Variants in RPS6KC1 observed in about 807,000 individuals in gnomAD.
RPS6KC1 encodes the protein ribosomal protein S6 kinase C1, also known as inactive ribosomal protein S6 kinase delta-1.
In RPS6KC1, 54 loss-of-function variants were observed where a neutral mutation model predicts 103.8. That is an observed-to-expected ratio of 0.52 (90% CI 0.42 to 0.65). The LOEUF (loss-of-function observed/expected upper bound fraction) is 0.65, where lower values mean the gene tolerates loss of function less well. RPS6KC1 is among the 30% of genes least tolerant of loss of function. The probability of loss-of-function intolerance (pLI) is 0.00; values close to 1 mark genes in which losing one functional copy is unlikely to be tolerated. For missense variants in RPS6KC1, 1,151 were observed against 1,253.8 expected (o/e 0.92, Z 1.24); for synonymous variants, 439 against 438.7 (o/e 1.00, Z -0.01).
chr1:213,301,810 A>G, the RPS6KC1 span, among the ~76,000 whole-genome samples: 1 of 151,768 alleles, frequency 6.6e-6, no homozygotes, highest in Non-Finnish European at 1.5e-5. Flanking sequence ...ATCTTGGCTT[A>G]CTGCAACCTC....
the RPS6KC1 span, among the ~76,000 whole-genome samples, chr1:213,808,423 T>G: frequency 6.6e-6 from 1 of 152,346 alleles, no homozygotes; most frequent in African/African-American, 2.4e-5. Context: ...TGAGCTGTGG[T>G]GGGCTCCACC....
chr1:213,123,860 G>T (rs1333409545), intron 5 of RPS6KC1, among the ~76,000 whole-genome samples: 1 of 152,154 alleles, frequency 6.6e-6, no homozygotes, highest in African/African-American at 2.4e-5. Context: ...AGTCACCCAT[G>T]AGAGACCACC....
chr1:213,204,825 C>T (rs1337177563), intron 8 of RPS6KC1, among the ~76,000 whole-genome samples: 1 of 151,954 alleles, frequency 6.6e-6, no homozygotes, highest in Admixed American at 6.6e-5. Context: ...GATGGCATCT[C>T]GCTTTGTTGT....
Position 213,117,318 on chromosome 1 carries a change from G to T in RPS6KC1, c.380G>T (p.Gly127Val). 1 of 1,581,104 alleles carries T rather than the reference G, an allele frequency of 6.3e-7. No individual in the cohort carries two copies. ...ACACAATTGCTCTTATCTCTTTAGG[G>T]TGGAATAATTAATGATAGTTCTGAA... is the stretch of plus-strand genomic sequence containing the variant. ...NSKQLEDFFK[G>V]GIINDSSELI... The change falls in exon 5 of 15, where the codon GGT becomes GTT. Residue 127 changes from glycine (G) to valine (V), a missense_variant and splice_region_variant. Around this residue, in one of 3 missense-constraint regions of RPS6KC1, gnomAD observed 959 missense variants for 1,006.3 expected, o/e 0.95. Transcript: ENST00000366960.
At chr1:213,312,652 C>T in the RPS6KC1 span, among the ~76,000 whole-genome samples, 2,259 of 152,290 alleles carry the variant, frequency 0.015, 27 homozygotes, top group Non-Finnish European at 0.022. Flanking sequence ...CCTCAAACCT[C>T]GGTCCTGATT....
chr1:213,364,917 C>T, the RPS6KC1 span, among the ~76,000 whole-genome samples: 2 of 152,048 alleles, frequency 1.3e-5, no homozygotes, highest in East Asian at 3.9e-4. Flanking sequence ...GAGATCGCAC[C>T]ACTGCACTCC....
At chr1:213,493,819 G>C in the RPS6KC1 span, among the ~76,000 whole-genome samples, 2 of 152,198 alleles carry the variant, frequency 1.3e-5, no homozygotes, top group African/African-American at 4.8e-5. Context: ...GAAATACAGA[G>C]AGCAAGTGTG....
the RPS6KC1 span, among the ~76,000 whole-genome samples, chr1:213,288,868 G>A: frequency 1.3e-5 from 2 of 152,258 alleles, no homozygotes; most frequent in South Asian, 2.1e-4. Flanking sequence ...GCAAAGTACC[G>A]AGAGAGAGGA....
chr1:213,841,498 A>G, the RPS6KC1 span: 4 of 152,188 alleles, frequency 2.6e-5, no homozygotes, highest in Non-Finnish European at 5.9e-5. Flanking sequence ...AGCCAAGCAA[A>G]CCATGAAGAA....
At chr1:213,194,865 G>C (rs778821786) in intron 8 of RPS6KC1, among the ~76,000 whole-genome samples, 5 of 152,178 alleles carry the variant, frequency 3.3e-5, no homozygotes, top group Non-Finnish European at 5.9e-5. Context: ...ACCCCCACTA[G>C]TCTGTGGAAG....
the RPS6KC1 span, among the ~76,000 whole-genome samples, chr1:213,392,211 C>T: frequency 3.7e-3 from 569 of 152,158 alleles, 3 homozygotes; most frequent in South Asian, 0.016. Context: ...ATCAGCAGAA[C>T]CGATGGTCTG....
chr1:213,323,360 G>A, the RPS6KC1 span, among the ~76,000 whole-genome samples: 3 of 152,314 alleles, frequency 2.0e-5, no homozygotes, highest in East Asian at 3.9e-4. Flanking sequence ...AGAGGCAGAA[G>A]CACGAAGGCA....
At position 213,158,820 on chromosome 1, in the gene RPS6KC1, A is replaced by G. The variant is rs556315337; in HGVS notation, c.836-9038A>G. 2.0e-5 allele frequency among the ~76,000 whole-genome samples: 3 copies of G among 152,274 alleles called. No homozygotes were observed. The East Asian group carries it at 5.8e-4, about 29-fold the overall frequency. The stretch of plus-strand genomic sequence containing the variant: ...TTAAGGAAGAGAAGGAACCCTAGAA[A>G]ACTAGTGTAGGCTTGTAGTTCTTCC... On this transcript the variant is annotated intron_variant, in intron 6 of 14. Transcript: ENST00000366960.
chr1:213,466,536 GAGA>G, the RPS6KC1 span, among the ~76,000 whole-genome samples: 3 of 152,212 alleles, frequency 2.0e-5, no homozygotes, highest in African/African-American at 7.2e-5. Flanking sequence ...GAATGGCAAA[GAGA>G]AGGAGGGGAT....
chr1:213,116,979 C>G (rs2083719473), intron 4 of RPS6KC1, among the ~76,000 whole-genome samples: 1 of 152,044 alleles, frequency 6.6e-6, no homozygotes, highest in Non-Finnish European at 1.5e-5. Flanking sequence ...TCTGGCTGCT[C>G]TTAACATTTT....
chr1:213,101,838 T>G (rs924668075), intron 3 of RPS6KC1, among the ~76,000 whole-genome samples: 3 of 152,242 alleles, frequency 2.0e-5, no homozygotes, highest in African/African-American at 7.2e-5. Flanking sequence ...TAAGCACTGA[T>G]TCATACTTTC....
At position 213,151,032 on chromosome 1, in the gene RPS6KC1, C is replaced by T. The variant is rs1362997114; in HGVS notation, c.836-16826C>T. Among the ~76,000 whole-genome samples, 56 of 145,240 alleles carry T rather than the reference C, an allele frequency of 3.9e-4. 2 individuals carry two copies. Among genetic ancestry groups the T allele is most frequent in the African/African-American group, 1.3e-3 (52 of 38,854 alleles). ...CTCCCTCCCGGACGGGGCAGCTGGC[C>T]GGGCAGAGGGGCTCCTCACTTCCCA... is the stretch of plus-strand genomic sequence containing the variant. On this transcript the variant is annotated intron_variant, in intron 6 of 14. Coordinates refer to ENST00000366960, the MANE Select transcript of RPS6KC1 (RefSeq NM_012424.6).
the RPS6KC1 span, among the ~76,000 whole-genome samples, chr1:213,798,527 AC>A: frequency 4.3e-4 from 65 of 151,868 alleles, no homozygotes; most frequent in Admixed American, 3.9e-3. Flanking sequence ...CTAGAGCTTG[AC>A]CCCCAGCCTT....
the RPS6KC1 span, among the ~76,000 whole-genome samples, chr1:213,674,282 G>A: frequency 1.3e-5 from 2 of 152,094 alleles, no homozygotes; most frequent in Non-Finnish European, 2.9e-5. Flanking sequence ...GCCTCCCAAA[G>A]TCCTAGGATT....
Sources: allele counts gnomAD v4.1 joint callset (sites outside exome capture counted in the v4.1 genomes callset), GRCh38; gene constraint gnomAD v4.1.1; regional missense constraint gnomAD v4.1.1; transcripts MANE v1.5; gene names NCBI Gene and HGNC (gene_info 2026-07-23, HGNC 2026-07-21).